RNLS: variants seen among roughly 807,000 people sequenced by gnomAD.
RNLS encodes the protein renalase, FAD dependent amine oxidase, also known as renalase.
Under a neutral mutation model 39.8 loss-of-function variants are expected in RNLS, and 39 were observed. The observed-to-expected ratio is 0.98, with a 90% CI of 0.76 to 1.28. RNLS has a LOEUF of 1.28. Ranked by LOEUF, RNLS falls within the 50% of genes most tolerant of loss-of-function variation. The probability of loss-of-function intolerance (pLI) is 0.00; values close to 1 mark genes in which losing one functional copy is unlikely to be tolerated. For synonymous variants in RNLS, 147 were observed against 150.7 expected, an observed-to-expected ratio of 0.98 and a Z score of 0.18; for missense variants, 410 against 413.3, an observed-to-expected ratio of 0.99 and a Z score of 0.07.
intron 5 of RNLS, among the ~76,000 whole-genome samples, chr10:88,317,123 C>G (rs1340917608): frequency 1.3e-5 from 2 of 152,138 alleles, no homozygotes; most frequent in African/African-American, 4.8e-5. Flanking sequence ...TAGCTTTTGG[C>G]ATTTTAAATG....
At chr10:88,269,628 G>A (rs1842594912), downstream of RNLS, among the ~76,000 whole-genome samples, 4 of 152,118 alleles carry the variant, frequency 2.6e-5, no homozygotes, top group Admixed American at 2.0e-4. Context: ...TGTCTGAGGG[G>A]CATTTTAAAA....
Position 88,582,216 on chromosome 10 carries a change from G to A in RNLS, c.210C>T (p.Ala70=). 6.2e-7 allele frequency: 1 copy of A among 1,612,208 alleles called. No homozygotes were observed. The highest frequency in any genetic ancestry group is 8.5e-7 in the Non-Finnish European group (1 of 1,179,146). The change falls in exon 2 of 7, where the codon GCC becomes GCT. Residue 70 remains alanine, a synonymous_variant. Transcript: ENST00000331772. ...AACTAACTCACCGTTGGTGTTTTTT[G>A]GCATAATGAGGAGTGCAGGTGATGT... ...AQYITCTPHY[A]KKHQRFYDEL...
At chr10:88,359,371 T>C (rs749193908) in intron 5 of RNLS, among the ~76,000 whole-genome samples, 28 of 151,216 alleles carry the variant, frequency 1.9e-4, no homozygotes, top group Non-Finnish European at 3.4e-4. Context: ...ATCAATAAAA[T>C]AGAGTGAAGT....
intron 6 of RNLS, among the ~76,000 whole-genome samples, chr10:88,278,574 C>T (rs966952426): frequency 6.6e-6 from 1 of 152,156 alleles, no homozygotes; most frequent in Non-Finnish European, 1.5e-5. Flanking sequence ...AAGGACAGCA[C>T]CATTCCCCTC....
At chr10:88,314,419 C>A in intron 6 of RNLS, 47 bp downstream of exon 6, 3 of 1,580,994 alleles carry the variant, frequency 1.9e-6, no homozygotes, top group South Asian at 2.3e-5. Context: ...GTTCTGTGAG[C>A]CTGTTAAGAA....
chr10:88,573,564 G>A (rs1423776255), intron 3 of RNLS, among the ~76,000 whole-genome samples: 1 of 152,048 alleles, frequency 6.6e-6, no homozygotes, highest in Admixed American at 6.6e-5. Context: ...CCCATTAAAG[G>A]ACCTGAAAAA....
rs1443635121 is a variant in RNLS at position 88,314,463 on chromosome 10, T to C, written c.876+3A>G. On this transcript the variant is annotated splice_donor_region_variant and intron_variant, in intron 6 of 6. Transcript: ENST00000331772. ...TGCTTAGACCACTGGATTCTTTGATTACCTGTGAATGTCTCCATTTTTGGC... is the reference window on the plus strand; with the variant it reads ...TGCTTAGACCACTGGATTCTTTGATCACCTGTGAATGTCTCCATTTTTGGC... 6.2e-7 allele frequency: 1 copy of C among 1,613,628 alleles called. No homozygotes were observed. Among genetic ancestry groups the C allele is most frequent in the Non-Finnish European group, 8.5e-7 (1 of 1,179,626 alleles).
intron 5 of RNLS, among the ~76,000 whole-genome samples, chr10:88,340,657 A>G (rs1344894083): frequency 1.3e-5 from 2 of 152,210 alleles, no homozygotes; most frequent in African/African-American, 2.4e-5. Context: ...AGAAATTTGT[A>G]GAAATAAAAG....
At chr10:88,476,754 C>A (rs1843844476) in intron 4 of RNLS, among the ~76,000 whole-genome samples, 1 of 152,098 alleles carries the variant, frequency 6.6e-6, no homozygotes, top group South Asian at 2.1e-4. Flanking sequence ...TGGTCAAATT[C>A]TTTTCATTAT....
At chr10:88,563,146 T>G (rs1179489195) in intron 4 of RNLS, among the ~76,000 whole-genome samples, 1 of 152,156 alleles carries the variant, frequency 6.6e-6, no homozygotes, top group Non-Finnish European at 1.5e-5. Flanking sequence ...CCTAAACTAA[T>G]GCAGTGTAAT....
At chr10:88,481,173 T>G (rs1844144276) in intron 4 of RNLS, among the ~76,000 whole-genome samples, 1 of 152,190 alleles carries the variant, frequency 6.6e-6, no homozygotes, top group Non-Finnish European at 1.5e-5. Context: ...TATATCTTTT[T>G]CTATCTACTT....
Position 88,435,293 on chromosome 10 carries a change from C to G in RNLS, c.527-72568G>C, listed in dbSNP as rs533615021. ...CCAAACCTAGAGGGAAAGTTTCCAG[C>G]ACACTGCAATGAGCATACTTATTTC... On this transcript the variant is annotated intron_variant, in intron 4 of 6. Transcript: ENST00000331772. 4.6e-4 allele frequency among the ~76,000 whole-genome samples: 70 copies of G among 151,900 alleles called. 1 individual carries two copies. Among genetic ancestry groups the G allele is most frequent in the African/African-American group, 1.5e-3 (64 of 41,436 alleles).
intron 4 of RNLS, among the ~76,000 whole-genome samples, chr10:88,536,876 A>T (rs778874556): frequency 2.0e-5 from 3 of 152,188 alleles, no homozygotes; most frequent in Non-Finnish European, 2.9e-5. Flanking sequence ...CATTACAGTC[A>T]ATATTGGTTT....
At position 88,292,559 on chromosome 10, in the gene RNLS, A is replaced by G. The variant is rs562848585; in HGVS notation, c.877-7053T>C. On this transcript the variant is annotated intron_variant, in intron 6 of 6. Coordinates refer to ENST00000331772, the MANE Select transcript of RNLS (RefSeq NM_001031709.3). ...CTGATCTCTTATTTCTCAACTGCAT[A>G]CAAGGTAACTCACATTAAAAAAAAA... 5.3e-5 allele frequency among the ~76,000 whole-genome samples: 8 copies of G among 151,290 alleles called. No individual in the cohort carries two copies. The South Asian group carries it at 1.5e-3, about 28-fold the overall frequency.
At chr10:88,554,376 T>C (rs1848748348) in intron 4 of RNLS, among the ~76,000 whole-genome samples, 1 of 152,128 alleles carries the variant, frequency 6.6e-6, no homozygotes, top group Non-Finnish European at 1.5e-5. Flanking sequence ...GTATGTAATG[T>C]GCTTAGAGAA....
At chr10:88,259,218 A>G in the RNLS span, 3 of 152,230 alleles carry the variant, frequency 2.0e-5, no homozygotes, top group Non-Finnish European at 4.4e-5. Flanking sequence ...GAAGTCTTAA[A>G]GACAAAAGAG....
the RNLS span, among the ~76,000 whole-genome samples, chr10:88,227,242 A>C: frequency 6.6e-6 from 1 of 152,220 alleles, no homozygotes. Flanking sequence ...CTTAGCCTAG[A>C]TACAGCAATG....
At chr10:88,259,352 G>A in the RNLS span, 1 of 152,142 alleles carries the variant, frequency 6.6e-6, no homozygotes, top group African/African-American at 2.4e-5. Context: ...CAGAGACATG[G>A]GTACTTCAAA....
At chr10:88,361,449 T>C (rs970196546) in intron 5 of RNLS, among the ~76,000 whole-genome samples, 10 of 152,216 alleles carry the variant, frequency 6.6e-5, no homozygotes, top group African/African-American at 1.9e-4. Context: ...TCATGGCATA[T>C]AACATGAAAA....
Sources: gnomAD v4.1 joint callset for allele counts (sites outside exome capture counted in the v4.1 genomes callset) on GRCh38, gnomAD v4.1.1 for gene constraint, MANE v1.5 for transcripts, NCBI Gene and HGNC (gene_info 2026-07-23, HGNC 2026-07-21) for gene names.